The following ESYT1 variants were observed in gnomAD, a reference collection of about 807,000 sequenced individuals.
The protein encoded by ESYT1 is extended synaptotagmin 1, also known as extended synaptotagmin-1.
A neutral mutation model predicts 154.2 loss-of-function variants in ESYT1; 116 were observed. The ratio of observed to expected loss-of-function variants is 0.75; its 90% CI spans 0.65 to 0.88. ESYT1 has a LOEUF of 0.88. Ranked by LOEUF, ESYT1 falls within the 40% of genes least tolerant of loss-of-function variation. The pLI is 0.00. For missense variants in ESYT1, 1,264 were observed against 1,379.3 expected, an observed-to-expected ratio of 0.92 and a Z score of 1.32; for synonymous variants, 500 against 539.9, an observed-to-expected ratio of 0.93 and a Z score of 1.02.
rs1439841874 is a variant in ESYT1, at chr12:56,142,485, AG to A, written c.2733+63del. On this transcript the variant is annotated intron_variant, in intron 25 of 30. Transcript: ENST00000394048. The surrounding 1 kb of genome is among the most constrained non-coding windows in gnomAD (Gnocchi z 4.1). Reference sequence around the variant, plus strand: ...GAGGAGGGGAGGGCCTTCACAGGTGAGGGACACCCAGGAGGGTGGGAACAGA... The same window carrying A: ...GAGGAGGGGAGGGCCTTCACAGGTGAGGACACCCAGGAGGGTGGGAACAGA... 4 of 1,607,044 alleles carry A rather than the reference AG, an allele frequency of 2.5e-6. No individual in the cohort carries two copies. The African/African-American group carries it at 5.3e-5, about 21-fold the overall frequency.
chr12:56,137,968 A>G (rs1279706075), intron 19 of ESYT1, 54 bp downstream of exon 19: 3 of 1,611,000 alleles, frequency 1.9e-6, no homozygotes, highest in East Asian at 4.5e-5. Flanking sequence ...TAGGCCATGG[A>G]GTCTGGCCTC....
At chr12:56,134,994 C>T (rs1033030303) in intron 15 of ESYT1, among the ~76,000 whole-genome samples, 2 of 152,036 alleles carry the variant, frequency 1.3e-5, no homozygotes, top group South Asian at 2.1e-4. Flanking sequence ...TGCTATGTTT[C>T]GTGCTTTCTC....
At chr12:56,136,586 G>A (rs1870464851) in intron 15 of ESYT1, among the ~76,000 whole-genome samples, 158 bp from the exon 16 acceptor site, 1 of 135,862 alleles carries the variant, frequency 7.4e-6, no homozygotes, top group Non-Finnish European at 1.5e-5. Flanking sequence ...GTGAGACTCT[G>A]TCTCAAAAAA....
intron 16 of ESYT1, 148 bp from the exon 17 acceptor site, chr12:56,137,070 G>T (rs1592247479): frequency 1.6e-6 from 2 of 1,266,606 alleles, no homozygotes; most frequent in East Asian, 4.7e-5. Context: ...TGAGTTGAGG[G>T]GGTGTGGAGG....
intron 24 of ESYT1, among the ~76,000 whole-genome samples, chr12:56,140,356 CTTTG>C (rs1219953057): frequency 1.3e-5 from 2 of 151,704 alleles, no homozygotes; most frequent in African/African-American, 4.8e-5. Context: ...TTAGGGAAGC[CTTTG>C]TTTATTTTAT....
chr12:56,129,470 T>C (rs1176034022), intron 1 of ESYT1: 1 of 152,624 alleles, frequency 6.6e-6, no homozygotes, highest in Non-Finnish European at 1.5e-5. Context: ...ATGCCTTCTC[T>C]CTAGTCTTGC....
chr12:56,139,593 AT>A (rs760999686), intron 24 of ESYT1, among the ~76,000 whole-genome samples: 3,429 of 122,904 alleles, frequency 0.028, 96 homozygotes, highest in African/African-American at 0.1. Flanking sequence ...TTGAGGGTAG[AT>A]TTTTTTTTTT....
intron 1 of ESYT1, chr12:56,128,969 G>A: frequency 2.0e-6 from 1 of 511,968 alleles, no homozygotes; most frequent in Non-Finnish European, 3.5e-6. Flanking sequence ...TTGGGCAACA[G>A]CAGTAATAAC....
At position 56,136,609 on chromosome 12, in the gene ESYT1, A is replaced by T. The variant is rs1870466829; in HGVS notation, c.1633-135A>T. 4 of 671,748 alleles carry T rather than the reference A, an allele frequency of 6.0e-6. 1 individual carries two copies. In the South Asian group the frequency reaches 2.1e-4, roughly 35 times the overall value. 41.6% of individuals were successfully genotyped at this position (671,748 alleles called of 1,614,324 possible). On this transcript the variant is annotated intron_variant, in intron 15 of 30. Transcript: ENST00000394048. ...CTGTCTCAAAAAAAAAAAAAAAAAA[A>T]AGATGGCCCTGAGTGGAGCAGGAGG...
Position 56,143,315 on chromosome 12 carries a change from G to C in ESYT1, c.3207G>C (p.Glu1069Asp), listed in dbSNP as rs1278533779. ...CTAATTCCTCCTTCATGTCAAGAGA[G>C]CGTGAGCTGCTGGGGAAGGTAAGAG... ...VKSNSSFMSR[E>D]RELLGKVQLD... The change falls in exon 29 of 31, where the codon GAG becomes GAC. Residue 1069 changes from glutamate (E) to aspartate (D), a missense_variant. Physicochemically the swap from Glu to Asp is conservative, Grantham distance 45 (BLOSUM62 2). Transcript: ENST00000394048. The C allele has an allele frequency of 8.1e-6, 13 of 1,613,972 alleles. No individual in the cohort carries two copies. The highest frequency in any genetic ancestry group is 1.1e-5 in the Non-Finnish European group (13 of 1,180,024).
chr12:56,131,709 C>A, intron 6 of ESYT1, 40 bp from the exon 7 acceptor site: 1 of 1,612,980 alleles, frequency 6.2e-7, no homozygotes, highest in East Asian at 2.2e-5. Context: ...TATGACCACA[C>A]CCCATAGGAT....
chr12:56,132,956 T>C (rs1017292542), intron 10 of ESYT1, among the ~76,000 whole-genome samples, 155 bp downstream of exon 10: 5 of 151,724 alleles, frequency 3.3e-5, no homozygotes, highest in African/African-American at 1.2e-4. Context: ...CCATCTCTAC[T>C]AAAAATACAA....
Position 56,128,768 on chromosome 12 carries a change from G to A in ESYT1, c.390+59G>A, listed in dbSNP as rs1401546659. 35 of 1,596,170 alleles carry A rather than the reference G, an allele frequency of 2.2e-5. No homozygotes were observed. In the East Asian group the frequency reaches 7.8e-4, roughly 36 times the overall value. ...AGCCCCCTTCCACCCCTTCCATCTG[G>A]GGCTTTTCCTCCTTATGCCTAGAGT... On this transcript the variant is annotated intron_variant, in intron 1 of 30. Coordinates refer to ENST00000394048, the MANE Select transcript of ESYT1 (RefSeq NM_015292.3).
At chr12:56,134,520 C>A in intron 15 of ESYT1, 92 bp downstream of exon 15, 1 of 1,108,774 alleles carries the variant, frequency 9.0e-7, no homozygotes, top group Non-Finnish European at 1.4e-6. Flanking sequence ...TCCCTTGATT[C>A]CTATTTTTAA....
chr12:56,139,041 T>C, intron 24 of ESYT1, 28 bp downstream of exon 24: 1 of 1,577,952 alleles, frequency 6.3e-7, no homozygotes, highest in Non-Finnish European at 8.7e-7. Flanking sequence ...TTCAAATATT[T>C]AGCAGATTTC....
At chr12:56,131,591 T>C (rs1565872993) in intron 6 of ESYT1, 25 bp downstream of exon 6, 13 of 1,612,458 alleles carry the variant, frequency 8.1e-6, no homozygotes, top group Non-Finnish European at 1.1e-5. Flanking sequence ...TGAAGGGGTA[T>C]GGGGAAGCAG....
chr12:56,143,832 G>C lies in ESYT1; in HGVS notation c.3285G>C (p.Leu1095=). 6.2e-7 allele frequency: 1 copy of C among 1,614,060 alleles called. No homozygotes were observed. The highest frequency in any genetic ancestry group is 8.5e-7 in the Non-Finnish European group (1 of 1,179,960). Residue 1095 remains leucine (L), a synonymous_variant, in exon 31 of 31, where the codon CTG becomes CTC. Transcript: ENST00000394048. The part of the protein sequence containing the change: ...LSQGVARWYD[L]MDNKDKGSS ...AGCCCTCTTTTCACAGGTATGACCT[G>C]ATGGACAACAAGGACAAGGGCAGCT...
chr12:56,138,860 G>A (rs1870574105), intron 23 of ESYT1, 21 bp downstream of exon 23: 1 of 1,613,268 alleles, frequency 6.2e-7, no homozygotes, highest in Non-Finnish European at 8.5e-7. Flanking sequence ...ATGCTGCAGG[G>A]TAAAAATGGG....
chr12:56,144,003 C>T lies in ESYT1; in HGVS notation c.*141C>T, dbSNP rs1383232054. 16 of 1,540,710 alleles carry T rather than the reference C, an allele frequency of 1.0e-5. No individual in the cohort carries two copies. Among genetic ancestry groups the T allele is most frequent in the South Asian group, 2.4e-5 (2 of 84,158 alleles). ...CCCTTTCACCTAACAGGCCCATATTCGGGCCTTTGCCTGACCAAAGAGAAG... is the reference window on the plus strand; with the variant it reads ...CCCTTTCACCTAACAGGCCCATATTTGGGCCTTTGCCTGACCAAAGAGAAG... On this transcript the variant is annotated 3_prime_UTR_variant, in exon 31 of 31. Transcript: ENST00000394048.
Sources: allele counts gnomAD v4.1 joint callset (sites outside exome capture counted in the v4.1 genomes callset), GRCh38; gene constraint gnomAD v4.1.1; non-coding constraint Gnocchi (gnomAD v3.1); transcripts MANE v1.5; gene names NCBI Gene and HGNC (gene_info 2026-07-23, HGNC 2026-07-21).